CADM2: variants seen among roughly 807,000 people sequenced by gnomAD.
CADM2 encodes immunoglobulin superfamily member 4D.
Under a neutral mutation model 49.8 loss-of-function variants are expected in CADM2, and 12 were observed. The observed-to-expected ratio is 0.24, with a 90% CI of 0.15 to 0.39. The LOEUF (loss-of-function observed/expected upper bound fraction) is 0.39. Ranked by LOEUF, CADM2 falls within the 10% of genes least tolerant of loss-of-function variation. The pLI is 1.00. For missense variants in CADM2, 378 were observed against 492.3 expected, an observed-to-expected ratio of 0.77 and a Z score of 2.20; for synonymous variants, 214 against 175.4, an observed-to-expected ratio of 1.22 and a Z score of -1.74.
At chr3:85,598,177 A>T (rs917155207) in intron 1 of CADM2, among the ~76,000 whole-genome samples, 3 of 152,022 alleles carry the variant, frequency 2.0e-5, no homozygotes, top group African/African-American at 4.8e-5. Flanking sequence ...AAATAAAAAT[A>T]AAAAACACAA....
chr3:85,550,795 C>T (rs1250837111), intron 1 of CADM2, among the ~76,000 whole-genome samples: 1 of 152,032 alleles, frequency 6.6e-6, no homozygotes, highest in Non-Finnish European at 1.5e-5. Flanking sequence ...CCCGTCTCAC[C>T]TTGAACTAGG....
intron 1 of CADM2, among the ~76,000 whole-genome samples, chr3:85,681,561 A>G (rs2066039613): frequency 2.6e-5 from 4 of 152,100 alleles, no homozygotes. Context: ...TGTATGATTT[A>G]TGATATCAGA....
chr3:85,029,593 C>G (rs748887667), intron 1 of CADM2, among the ~76,000 whole-genome samples: 10 of 152,236 alleles, frequency 6.6e-5, no homozygotes, highest in Non-Finnish European at 1.0e-4. Context: ...GTGATTCTCT[C>G]TGTTAGAACA....
chr3:85,865,123 T>C (rs2075676844), intron 3 of CADM2, among the ~76,000 whole-genome samples: 1 of 152,182 alleles, frequency 6.6e-6, no homozygotes, highest in Non-Finnish European at 1.5e-5. Flanking sequence ...CTGCAAGCTG[T>C]TTGAAGCCAC....
In CADM2 at chr3:86,013,808, G is replaced by A. The variant is rs182256057; in HGVS notation, c.971-51797G>A. 752 of 1,589,072 alleles carry A rather than the reference G, an allele frequency of 4.7e-4. 5 individuals are homozygous for A. The African/African-American group carries it at 8.3e-3, about 18-fold the overall frequency. On this transcript the variant is annotated intron_variant, in intron 8 of 9. Transcript: ENST00000383699. ...CTGAGAAGTGGGGATTAAATATGAA[G>A]CATTGTCGTGGTCAGGCTTACATTG...
At chr3:85,877,921 C>G (rs1175317622) in intron 3 of CADM2, among the ~76,000 whole-genome samples, 2 of 152,038 alleles carry the variant, frequency 1.3e-5, no homozygotes, top group African/African-American at 2.4e-5. Context: ...AGGAAACCCA[C>G]TGAGTTATAG....
At chr3:86,028,655 C>T (rs1227756211) in intron 8 of CADM2, among the ~76,000 whole-genome samples, 1 of 152,084 alleles carries the variant, frequency 6.6e-6, no homozygotes, top group Non-Finnish European at 1.5e-5. Flanking sequence ...CCTCCTGTTA[C>T]TTTCAAGTCT....
At chr3:84,960,552 G>A (rs1178942595) in intron 1 of CADM2, 9 of 151,272 alleles carry the variant, frequency 5.9e-5, no homozygotes, top group Non-Finnish European at 1.0e-4. Context: ...TTTTCACTTA[G>A]ATTTCCTACC....
At chr3:85,234,594 T>C (rs1249781749) in intron 1 of CADM2, among the ~76,000 whole-genome samples, 1 of 152,190 alleles carries the variant, frequency 6.6e-6, no homozygotes, top group Non-Finnish European at 1.5e-5. Flanking sequence ...TGCCAACTGC[T>C]GTATATCAAG....
intron 1 of CADM2, among the ~76,000 whole-genome samples, chr3:85,329,241 A>G (rs2044841239): frequency 6.6e-6 from 1 of 152,110 alleles, no homozygotes; most frequent in Non-Finnish European, 1.5e-5. Flanking sequence ...CAGCCCTAAA[A>G]AACAAATAAC....
intron 1 of CADM2, among the ~76,000 whole-genome samples, chr3:85,650,507 G>GA (rs35050516): frequency 0.17 from 23,692 of 141,868 alleles, 2,251 homozygotes; most frequent in South Asian, 0.28. Flanking sequence ...TAAGTGATCA[G>GA]AAAAAAAAAA....
chr3:86,032,518 A>G (rs914052699), intron 8 of CADM2, among the ~76,000 whole-genome samples: 2 of 151,948 alleles, frequency 1.3e-5, no homozygotes, highest in African/African-American at 2.4e-5. Context: ...GTTATAACAT[A>G]TATTAATGAT....
intron 1 of CADM2, among the ~76,000 whole-genome samples, chr3:85,599,740 G>T (rs532576042): frequency 1.6e-4 from 25 of 151,760 alleles, no homozygotes; most frequent in African/African-American, 5.8e-4. Flanking sequence ...AGATGTATAG[G>T]ATTCTAGTAA....
intron 1 of CADM2, among the ~76,000 whole-genome samples, chr3:85,057,948 T>C (rs1279664107): frequency 2.0e-5 from 3 of 152,306 alleles, no homozygotes; most frequent in African/African-American, 4.8e-5. Context: ...TATTTTACTG[T>C]AGAATTTTCC....
intron 1 of CADM2, among the ~76,000 whole-genome samples, chr3:85,365,199 C>CTTTTTTTTTT (rs397962829): frequency 1.9e-5 from 2 of 104,714 alleles, no homozygotes; most frequent in East Asian, 3.0e-4. Context: ...TTTTTTTTTA[C>CTTTTTTTTTT]TTTTTTTTTT....
intron 1 of CADM2, among the ~76,000 whole-genome samples, chr3:85,283,351 T>G (rs2043551776): frequency 6.6e-6 from 1 of 151,726 alleles, no homozygotes; most frequent in African/African-American, 2.4e-5. Context: ...TTATTCTCAT[T>G]AATACTCTTT....
intron 1 of CADM2, among the ~76,000 whole-genome samples, chr3:85,406,041 A>G (rs1170680638): frequency 3.9e-5 from 6 of 152,066 alleles, no homozygotes; most frequent in Non-Finnish European, 7.4e-5. Context: ...TCAGGCCTTC[A>G]TAAGTAATTT....
intron 2 of CADM2, among the ~76,000 whole-genome samples, chr3:85,742,235 T>C (rs1577206928): frequency 6.6e-6 from 1 of 152,328 alleles, no homozygotes; most frequent in East Asian, 1.9e-4. Context: ...CTATGCCAGG[T>C]TGCAGGCATT....
chr3:84,996,931 T>A (rs1304016440), intron 1 of CADM2, among the ~76,000 whole-genome samples: 1 of 152,128 alleles, frequency 6.6e-6, no homozygotes, highest in African/African-American at 2.4e-5. Context: ...GTGTAAATGC[T>A]ACTCTTATTG....
Sources: gnomAD v4.1 joint callset for allele counts (sites outside exome capture counted in the v4.1 genomes callset) on GRCh38, gnomAD v4.1.1 for gene constraint, MANE v1.5 for transcripts, NCBI Gene and HGNC (gene_info 2026-07-23, HGNC 2026-07-21) for gene names.